The following RFLNA variants were observed in gnomAD, a reference collection of about 807,000 sequenced individuals.
The protein encoded by RFLNA is refilin-A.
Under a neutral mutation model 7.8 loss-of-function variants are expected in RFLNA, and 5 were observed. That is an observed-to-expected ratio of 0.64 (90% CI 0.34 to 1.35). The LOEUF is 1.35. Ranked by LOEUF, RFLNA falls within the 40% of genes most tolerant of loss-of-function variation. RFLNA has a pLI of 0.04. For synonymous variants in RFLNA, 141 were observed against 131.3 expected (o/e 1.07, Z -0.50); for missense variants, 278 against 305.5 (o/e 0.91, Z 0.67).
chr12:124,295,498 G>A lies in RFLNA; in HGVS notation c.69G>A (p.Leu23=). ...AGGAGCAGGGCCGGGAGGGCTTGCT[G>A]GACAGCCCCGACTCCGGGCTGCCCC... ...SLKEQGREGL[L]DSPDSGLPPS... is the part of the protein sequence containing the mutation. The change falls in exon 1 of 3, where the codon CTG becomes CTA. Residue 23 remains leucine (L), a synonymous_variant. Coordinates refer to ENST00000546355, the MANE Select transcript of RFLNA (RefSeq NM_001365156.1). The A allele has an allele frequency of 3.1e-6, 4 of 1,278,360 alleles. No homozygotes were observed. The highest frequency in any genetic ancestry group is 3.0e-4 in the Middle Eastern group (1 of 3,384). 79.2% of individuals were successfully genotyped at this position (1,278,360 alleles called of 1,614,324 possible). A position where few individuals can be genotyped will look rare whatever the true frequency, so the allele number is the denominator to read the frequency against.
chr12:124,301,640 T>C (rs141236086), intron 1 of RFLNA, among the ~76,000 whole-genome samples: 330 of 152,254 alleles, frequency 2.2e-3, no homozygotes, highest in African/African-American at 7.4e-3. Context: ...GGGTTCGCCA[T>C]TTTTTTGTGT....
upstream of RFLNA, among the ~76,000 whole-genome samples, chr12:124,294,854 G>A (rs1013507238): frequency 8.5e-5 from 13 of 152,380 alleles, no homozygotes; most frequent in Non-Finnish European, 1.8e-4. Context: ...GTATGTCTTG[G>A]GATGACTTGG....
chr12:124,310,203 A>G (rs1207641897), intron 1 of RFLNA, among the ~76,000 whole-genome samples: 3 of 143,570 alleles, frequency 2.1e-5, no homozygotes, highest in Non-Finnish European at 4.5e-5. Context: ...AAAAGCCTTT[A>G]GAAACAGAGC....
chr12:124,297,850 G>A (rs770638119), intron 1 of RFLNA, among the ~76,000 whole-genome samples: 6 of 148,854 alleles, frequency 4.0e-5, no homozygotes, highest in African/African-American at 9.8e-5. Flanking sequence ...CCCACAGGGC[G>A]CCCCACCTCC....
intron 1 of RFLNA, 131 bp downstream of exon 1, chr12:124,295,767 GC>G: frequency 1.1e-6 from 1 of 934,550 alleles, no homozygotes; most frequent in Non-Finnish European, 1.4e-6. Context: ...CACGAAGGTG[GC>G]CAGTGACAGC....
intron 2 of RFLNA, among the ~76,000 whole-genome samples, 175 bp downstream of exon 2, chr12:124,312,102 C>A (rs1381499157): frequency 1.3e-5 from 2 of 152,048 alleles, no homozygotes; most frequent in South Asian, 2.1e-4. Flanking sequence ...CGTATCTTAG[C>A]CACAGACAAA....
rs115451914 is a variant in RFLNA, at chr12:124,313,919, C to T, written c.318-273C>T. Among the ~76,000 whole-genome samples the T allele has an allele frequency of 1.0e-3, 153 of 152,292 alleles. 4 individuals are homozygous for T. The South Asian group carries it at 0.022, about 22-fold the overall frequency. On this transcript the variant is annotated intron_variant, in intron 2 of 2. Coordinates refer to ENST00000546355, the MANE Select transcript of RFLNA (RefSeq NM_001365156.1). ...CACGGCTCAGTTTCACCCATCGTCC[C>T]GATAAGGTCCTTTCCTGGCTTACTT...
At chr12:124,300,435 T>G (rs1160207276) in intron 1 of RFLNA, among the ~76,000 whole-genome samples, 2 of 152,240 alleles carry the variant, frequency 1.3e-5, no homozygotes, top group Admixed American at 1.3e-4. Context: ...CAGCCATCCC[T>G]TTGGACCTTG....
intron 1 of RFLNA, among the ~76,000 whole-genome samples, chr12:124,301,606 C>G (rs1339178186): frequency 6.6e-6 from 1 of 152,180 alleles, no homozygotes; most frequent in Non-Finnish European, 1.5e-5. Context: ...TGCAGCAAAT[C>G]CGGCCTTTAT....
Position 124,296,116 on chromosome 12 carries a change from C to CTT in RFLNA, c.207+482_207+483dup, listed in dbSNP as rs1356633334. 0.011 allele frequency among the ~76,000 whole-genome samples: 39 copies of CTT among 3,656 alleles called. No individual in the cohort carries two copies. In the East Asian group the frequency reaches 0.3, roughly 28 times the overall value. 2.4% of individuals were successfully genotyped at this position (3,656 alleles called of 152,430 possible). Reference sequence around the variant, plus strand: ...TCTTTCTTTCTTTCTTTCTTTCTTTCTTTCTTTCTCTCTCTCTCTCTCTTC... The same window carrying CTT: ...TCTTTCTTTCTTTCTTTCTTTCTTTCTTTTTCTTTCTCTCTCTCTCTCTCTTC... On this transcript the variant is annotated intron_variant, in intron 1 of 2. Transcript: ENST00000546355.
chr12:124,302,124 G>C (rs923851483), intron 1 of RFLNA, among the ~76,000 whole-genome samples: 1 of 152,056 alleles, frequency 6.6e-6, no homozygotes, highest in African/African-American at 2.4e-5. Context: ...CTTGGATCAG[G>C]GTCCACCCTA....
chr12:124,291,967 C>T (rs1003327565), upstream of RFLNA, among the ~76,000 whole-genome samples: 1 of 152,096 alleles, frequency 6.6e-6, no homozygotes, highest in Non-Finnish European at 1.5e-5. Context: ...ATGCATACAC[C>T]CTTCTCCCCT....
chr12:124,311,962 G>A, intron 2 of RFLNA, 35 bp downstream of exon 2: 5 of 1,516,388 alleles, frequency 3.3e-6, no homozygotes, highest in Non-Finnish European at 4.4e-6. Flanking sequence ...CGGGAGGAGG[G>A]GGTGGGGGGT....
intron 2 of RFLNA, 23 bp from the exon 3 acceptor site, chr12:124,314,169 C>G: frequency 6.3e-7 from 1 of 1,597,502 alleles, no homozygotes. Context: ...GGGTTCACTC[C>G]GCTTCCCTCC....
intron 1 of RFLNA, among the ~76,000 whole-genome samples, chr12:124,307,568 G>A (rs1008366992): frequency 4.6e-5 from 7 of 152,172 alleles, no homozygotes; most frequent in African/African-American, 1.7e-4. Flanking sequence ...CTCATAAACT[G>A]GTTTCACAAG....
At chr12:124,291,367 GC>G (rs1369653121), upstream of RFLNA, among the ~76,000 whole-genome samples, 1 of 152,158 alleles carries the variant, frequency 6.6e-6, no homozygotes, top group African/African-American at 2.4e-5. Context: ...GGATTCTCCT[GC>G]CTCAGCCTCC....
At chr12:124,296,945 G>T (rs796422413) in intron 1 of RFLNA, among the ~76,000 whole-genome samples, 3 of 152,306 alleles carry the variant, frequency 2.0e-5, no homozygotes, top group African/African-American at 7.2e-5. Flanking sequence ...GGAGCCTGGC[G>T]GGTGGAAGGG....
Position 124,295,549 on chromosome 12 carries a change from C to T in RFLNA, c.120C>T (p.Phe40=). Residue 40 remains phenylalanine (F), a synonymous_variant, in exon 1 of 3, where the codon TTC becomes TTT. Transcript: ENST00000546355. ...LPPSPSPSPP[F]YSLAPGILDA... is the part of the protein sequence containing the mutation. ...CCAGCCCCAGCCCCAGCCCGCCCTTCTACTCCCTGGCGCCCGGCATCCTCG... is the reference window on the plus strand; with the variant it reads ...CCAGCCCCAGCCCCAGCCCGCCCTTTTACTCCCTGGCGCCCGGCATCCTCG... 9.4e-7 allele frequency: 1 copy of T among 1,065,718 alleles called. No homozygotes were observed. The highest frequency in any genetic ancestry group is 1.2e-6 in the Non-Finnish European group (1 of 862,986). The allele number at this position is 1,065,718 out of a possible 1,614,324, so 66.0% of individuals were successfully genotyped here.
At chr12:124,294,973 A>G (rs2033878617), upstream of RFLNA, among the ~76,000 whole-genome samples, 1 of 151,580 alleles carries the variant, frequency 6.6e-6, no homozygotes, top group Non-Finnish European at 1.5e-5. Context: ...AGTGCCCAGG[A>G]GCGGGAGGGC....
Sources: gnomAD v4.1 joint callset for allele counts (sites outside exome capture counted in the v4.1 genomes callset) on GRCh38, gnomAD v4.1.1 for gene constraint, MANE v1.5 for transcripts, NCBI Gene and HGNC (gene_info 2026-07-23, HGNC 2026-07-21) for gene names.